Variants in SYNPO2 observed in about 807,000 individuals in gnomAD.
SYNPO2 encodes synaptopodin 2, also known as synaptopodin-2.
A neutral mutation model predicts 85.0 loss-of-function variants in SYNPO2; 56 were observed. That is an observed-to-expected ratio of 0.66 (90% CI 0.53 to 0.82). The LOEUF (loss-of-function observed/expected upper bound fraction) is 0.82, where lower values mean the gene tolerates loss of function less well. Ranked by LOEUF, SYNPO2 falls within the 40% of genes least tolerant of loss-of-function variation. The pLI, the probability that SYNPO2 is intolerant of heterozygous loss-of-function variation, is 0.00. For missense variants in SYNPO2, 1,575 were observed against 1,534.2 expected (o/e 1.03, Z -0.44); for synonymous variants, 602 against 591.1 (o/e 1.02, Z -0.27).
At chr4:119,037,938 A>G (rs758675873) in intron 4 of SYNPO2, 38 of 201,372 alleles carry the variant, frequency 1.9e-4, no homozygotes, top group Non-Finnish European at 3.1e-4. Context: ...TGAATTCTTA[A>G]CCAATTATAC....
At chr4:118,976,140 G>A (rs983942068) in intron 1 of SYNPO2, among the ~76,000 whole-genome samples, 1 of 152,156 alleles carries the variant, frequency 6.6e-6, no homozygotes, top group East Asian at 1.9e-4. Flanking sequence ...CTCTCGCGGT[G>A]AGTGTTACAG....
At chr4:118,963,327 C>T (rs1330265250) in intron 1 of SYNPO2, among the ~76,000 whole-genome samples, 2 of 152,172 alleles carry the variant, frequency 1.3e-5, no homozygotes, top group Non-Finnish European at 2.9e-5. Flanking sequence ...AATTTAATAG[C>T]ACATTCATAC....
chr4:118,986,053 T>C (rs1279886266), intron 1 of SYNPO2, among the ~76,000 whole-genome samples: 1 of 152,204 alleles, frequency 6.6e-6, no homozygotes. Context: ...AGGATGTGAC[T>C]CTATGAAAGA....
At chr4:118,984,544 A>T (rs1361018014) in intron 1 of SYNPO2, among the ~76,000 whole-genome samples, 1 of 152,190 alleles carries the variant, frequency 6.6e-6, no homozygotes, top group African/African-American at 2.4e-5. Flanking sequence ...GACACAGGCC[A>T]GCACTCTGGA....
intron 4 of SYNPO2, among the ~76,000 whole-genome samples, chr4:119,045,234 T>C (rs1349081204): frequency 1.3e-5 from 2 of 152,228 alleles, no homozygotes; most frequent in Non-Finnish European, 2.9e-5. Context: ...TCTGTACTGA[T>C]AATCATTACT....
At chr4:118,852,922 CAT>C (rs1731444428) in intron 1 of SYNPO2, among the ~76,000 whole-genome samples, 1 of 152,134 alleles carries the variant, frequency 6.6e-6, no homozygotes, top group Non-Finnish European at 1.5e-5. Flanking sequence ...CAAATGTTGA[CAT>C]GTTTCATTAT....
chr4:118,862,108 A>T (rs559751868), intron 1 of SYNPO2, among the ~76,000 whole-genome samples: 1 of 152,160 alleles, frequency 6.6e-6, no homozygotes, highest in East Asian at 1.9e-4. Context: ...TGTAAATGAG[A>T]TTATTTTCTT....
chr4:118,920,736 A>G (rs2149128140), intron 1 of SYNPO2, among the ~76,000 whole-genome samples: 1 of 152,328 alleles, frequency 6.6e-6, no homozygotes, highest in South Asian at 2.1e-4. Context: ...AATAAATCTT[A>G]AAACAAATAA....
In SYNPO2 at chr4:119,030,404, G is replaced by T. The variant is rs1243476886; in HGVS notation, c.1629G>T (p.Ser543=). The T allele has an allele frequency of 6.2e-7, 1 of 1,614,126 alleles. No individual in the cohort carries two copies. Among genetic ancestry groups the T allele is most frequent in the Non-Finnish European group, 8.5e-7 (1 of 1,180,020 alleles). ...CTTACCAAAGAAAGGAGGAAGAGTC[G>T]GTAAGAACGCAGAGCTCTGTGAGCA... The part of the protein sequence containing the change: ...TTSYQRKEEE[S]VRTQSSVSKS... The change falls in exon 4 of 5, where the codon TCG becomes TCT. Residue 543 remains serine, a synonymous_variant. Transcript: ENST00000307142.
intron 1 of SYNPO2, among the ~76,000 whole-genome samples, chr4:119,000,892 A>C (rs749736324): frequency 2.0e-5 from 3 of 152,104 alleles, no homozygotes; most frequent in African/African-American, 7.2e-5. Flanking sequence ...CTGCTGAGAC[A>C]TAAGTCTAGA....
chr4:119,007,663 T>C (rs1019465026), intron 1 of SYNPO2, among the ~76,000 whole-genome samples: 15 of 152,168 alleles, frequency 9.9e-5, no homozygotes, highest in Non-Finnish European at 1.5e-5. Context: ...ACCTTGGCCT[T>C]GGTCTTCATG....
chr4:119,031,289 GAATTACACACCC>G lies in SYNPO2; in HGVS notation c.2517_2528del (p.Asn839_Pro842del). 6.2e-7 allele frequency: 1 copy of G among 1,614,182 alleles called. No homozygotes were observed. Among genetic ancestry groups the G allele is most frequent in the African/African-American group, 1.3e-5 (1 of 75,040 alleles). On this transcript the variant is annotated inframe_deletion, in exon 4 of 5. Coordinates refer to ENST00000307142, the MANE Select transcript of SYNPO2 (RefSeq NM_133477.3). ...GACCACAAGCAGCAGTAGCCAGTCA[GAATTACACACCC>G]AAACCAACAGTTTCCACACCAACAG...
rs368999641 is a variant in SYNPO2, at chr4:119,026,635, G to T, written c.266G>T (p.Ser89Ile). The stretch of plus-strand genomic sequence containing the variant: ...GATTTTTCTGTGTGCAGACCATCCA[G>T]TGGAATAAGTGAGGCTTTGATATCT... ...SLQMLIKRPS[S>I]GISEALISEN... The change falls in exon 3 of 5, where the codon AGT becomes ATT. Residue 89 changes from serine to isoleucine, a missense_variant. Coordinates refer to ENST00000307142, the MANE Select transcript of SYNPO2 (RefSeq NM_133477.3). 7.5e-6 allele frequency: 12 copies of T among 1,601,586 alleles called. No individual in the cohort carries two copies. The highest frequency in any genetic ancestry group is 1.7e-5 in the Admixed American group (1 of 58,758).
At chr4:119,026,420 G>A (rs1737945625) in intron 2 of SYNPO2, among the ~76,000 whole-genome samples, 2 of 152,256 alleles carry the variant, frequency 1.3e-5, no homozygotes, top group East Asian at 1.9e-4. Flanking sequence ...GAGTTTCTTT[G>A]TGCTTTTAAA....
At chr4:119,048,688 G>A (rs1738947053) in intron 4 of SYNPO2, among the ~76,000 whole-genome samples, 1 of 152,048 alleles carries the variant, frequency 6.6e-6, no homozygotes, top group Non-Finnish European at 1.5e-5. Flanking sequence ...AAAATCCAGA[G>A]GATTGGAAAG....
At chr4:118,890,197 AAAG>A (rs1209166172) in intron 1 of SYNPO2, among the ~76,000 whole-genome samples, 1 of 151,102 alleles carries the variant, frequency 6.6e-6, no homozygotes, top group African/African-American at 2.4e-5. Flanking sequence ...CTTTGCGAAG[AAAG>A]AAGTTTCTTT....
chr4:118,977,186 G>GC (rs1187323496), intron 1 of SYNPO2, among the ~76,000 whole-genome samples: 13 of 152,166 alleles, frequency 8.5e-5, no homozygotes, highest in Non-Finnish European at 1.8e-4. Context: ...AGGTCCCAAG[G>GC]CCTGCCCCGT....
intron 4 of SYNPO2, chr4:119,036,967 G>T: frequency 7.7e-7 from 1 of 1,298,474 alleles, no homozygotes; most frequent in East Asian, 2.8e-5. Flanking sequence ...CAGGGTCCTA[G>T]AGTTTAAGTA....
At chr4:118,914,002 A>G (rs1733227530) in intron 1 of SYNPO2, among the ~76,000 whole-genome samples, 1 of 152,088 alleles carries the variant, frequency 6.6e-6, no homozygotes, top group Non-Finnish European at 1.5e-5. Flanking sequence ...TGTGAGAAAT[A>G]ATAGGATTCT....
Sources: allele counts gnomAD v4.1 joint callset (sites outside exome capture counted in the v4.1 genomes callset), GRCh38; gene constraint gnomAD v4.1.1; transcripts MANE v1.5; gene names NCBI Gene and HGNC (gene_info 2026-07-23, HGNC 2026-07-21).